Variants in PER3 observed in about 807,000 individuals in gnomAD.
PER3 encodes period circadian protein homolog 3.
In PER3, 107 loss-of-function variants were observed where a neutral mutation model predicts 127.2. That is an observed-to-expected ratio of 0.84 (90% CI 0.72 to 0.99). PER3 has a LOEUF of 0.99. Ranked by LOEUF, PER3 falls within the 50% of genes least tolerant of loss-of-function variation. The pLI, the probability that PER3 is intolerant of heterozygous loss-of-function variation, is 0.00. For missense variants in PER3, 1,560 were observed against 1,525.8 expected, an observed-to-expected ratio of 1.02 and a Z score of -0.37; for synonymous variants, 618 against 585.8, an observed-to-expected ratio of 1.05 and a Z score of -0.79.
At chr1:7,832,688 ATTAC>A (rs1308357676) in intron 19 of PER3, among the ~76,000 whole-genome samples, 1 of 145,736 alleles carries the variant, frequency 6.9e-6, no homozygotes, top group Non-Finnish European at 1.5e-5. Flanking sequence ...TCTAATTTTT[ATTAC>A]TTCTTTTCTC....
chr1:7,824,092 T>C (rs2097290450), intron 16 of PER3, among the ~76,000 whole-genome samples: 1 of 152,182 alleles, frequency 6.6e-6, no homozygotes, highest in African/African-American at 2.4e-5. Flanking sequence ...ATACTGAAAG[T>C]ATAGCATACT....
At chr1:7,824,823 C>T (rs959222562) in intron 16 of PER3, among the ~76,000 whole-genome samples, 4 of 152,186 alleles carry the variant, frequency 2.6e-5, no homozygotes, top group East Asian at 1.9e-4. Context: ...TCTAGTCTGG[C>T]GGATGGGAAC....
At chr1:7,810,101 GTATA>G in intron 12 of PER3, 80 bp downstream of exon 12, 2 of 1,354,036 alleles carry the variant, frequency 1.5e-6, no homozygotes, top group South Asian at 2.7e-5. Context: ...TGACATCTTA[GTATA>G]TATTCCTGAC....
chr1:7,806,841 T>TAC (rs201717412), intron 10 of PER3, among the ~76,000 whole-genome samples: 1,664 of 109,612 alleles, frequency 0.015, 28 homozygotes, highest in African/African-American at 0.042. Flanking sequence ...ATATATTACA[T>TAC]ACACACACAC....
At chr1:7,786,581 G>T in intron 3 of PER3, 140 bp from the exon 4 acceptor site, 1 of 549,990 alleles carries the variant, frequency 1.8e-6, no homozygotes, top group Non-Finnish European at 3.3e-6. Flanking sequence ...TTAGGTAAAA[G>T]CAGAAAATGA....
chr1:7,812,411 G>A (rs965531440), intron 13 of PER3, among the ~76,000 whole-genome samples: 2 of 151,804 alleles, frequency 1.3e-5, no homozygotes, highest in African/African-American at 4.8e-5. Flanking sequence ...CAGATCACGA[G>A]GTCAGGAGAT....
rs1327188937 is a variant in PER3, at chr1:7,826,626, T to C, written c.2104T>C (p.Phe702Leu). ...QKEEQNYVDKFREKILSSPYS... is the reference protein window; with the variant it reads ...QKEEQNYVDKLREKILSSPYS... The stretch of plus-strand genomic sequence containing the variant: ...GGAAGAGCAGAATTATGTTGATAAA[T>C]TCCGAGAAAAGATCCTGTCATCACC... Residue 702 changes from phenylalanine (F) to leucine (L), a missense_variant, in exon 17 of 22, where the codon TTC (phenylalanine) becomes CTC (leucine). Phe to Leu is a conservative substitution (Grantham distance 22, BLOSUM62 0). This residue lies in a region of PER3 where 1,332 missense variants were observed against 1,223.6 expected (regional missense o/e 1.09). Transcript: ENST00000377532. This position sits in a 1 kb window ranked among gnomAD's most constrained non-coding sequence, Gnocchi z 4.2. 6.2e-7 allele frequency: 1 copy of C among 1,613,654 alleles called. No homozygotes were observed. Among genetic ancestry groups the C allele is most frequent in the African/African-American group, 1.3e-5 (1 of 74,886 alleles).
chr1:7,816,461 T>C (rs2097251951), intron 13 of PER3, among the ~76,000 whole-genome samples: 1 of 152,114 alleles, frequency 6.6e-6, no homozygotes, highest in African/African-American at 2.4e-5. Context: ...GCAAATGATA[T>C]ATACAATAAT....
chr1:7,793,043 T>G (rs1355018047), intron 5 of PER3, among the ~76,000 whole-genome samples: 1 of 152,244 alleles, frequency 6.6e-6, no homozygotes, highest in Non-Finnish European at 1.5e-5. Context: ...TCTGTGATCG[T>G]CTCTTAGAAG....
At chr1:7,785,386 C>T (rs1049681771) in intron 2 of PER3, 55 bp from the exon 3 acceptor site, 9 of 1,429,588 alleles carry the variant, frequency 6.3e-6, no homozygotes, top group African/African-American at 4.2e-5. Context: ...TTCCCTAAGC[C>T]GCAAGATGCT....
In PER3 at chr1:7,827,563, C is replaced by T. The variant is rs374435150; in HGVS notation, c.2634C>T (p.Phe878=). Residue 878 remains phenylalanine (F), a synonymous_variant, in exon 18 of 22, where the codon TTC becomes TTT. Coordinates refer to ENST00000377532, the MANE Select transcript of PER3 (RefSeq NM_001377275.1). ...CGCCATCGTTTTTGCCATGTCCATT[C>T]CTGGGGGCGACAGCCTCTTCTGCGA... The part of the protein sequence containing the change: ...LLSPSFLPCP[F]LGATASSAIS... The T allele has an allele frequency of 3.1e-6, 5 of 1,614,070 alleles. No individual in the cohort carries two copies. The African/African-American group carries it at 5.3e-5, about 17-fold the overall frequency.
Position 7,827,403 on chromosome 1 carries a change from C to G in PER3, c.2474C>G (p.Pro825Arg), listed in dbSNP as rs2097306967. The G allele has an allele frequency of 6.2e-7, 1 of 1,614,066 alleles. No homozygotes were observed. Among genetic ancestry groups the G allele is most frequent in the South Asian group, 1.1e-5 (1 of 91,090 alleles). ...ATSPGREYAAPGTAPEGLHGL... is the reference protein window; with the variant it reads ...ATSPGREYAARGTAPEGLHGL... ...TCACCCGGAAGAGAATACGCAGCCCCCGGAACTGCACCGGAAGGCCTGCAT... is the reference window on the plus strand; with the variant it reads ...TCACCCGGAAGAGAATACGCAGCCCGCGGAACTGCACCGGAAGGCCTGCAT... The change falls in exon 18 of 22, where the codon CCC becomes CGC. Residue 825 changes from proline to arginine, a missense_variant. Pro to Arg is a moderately radical substitution (Grantham distance 103, BLOSUM62 -2). Coordinates refer to ENST00000377532, the MANE Select transcript of PER3 (RefSeq NM_001377275.1).
chr1:7,799,330 TGCAGTG>T (rs2097159667), intron 7 of PER3, among the ~76,000 whole-genome samples: 1 of 152,084 alleles, frequency 6.6e-6, no homozygotes, highest in Admixed American at 6.5e-5. Flanking sequence ...TCGTGCCGGG[TGCAGTG>T]GCTCACGCCT....
intron 16 of PER3, among the ~76,000 whole-genome samples, chr1:7,821,783 A>T (rs1202524139): frequency 1.3e-5 from 2 of 152,182 alleles, no homozygotes; most frequent in Non-Finnish European, 2.9e-5. Flanking sequence ...TCTTTATTCC[A>T]TGGAGAAAAA....
chr1:7,787,444 G>C (rs766578389), intron 4 of PER3: 2 of 458,162 alleles, frequency 4.4e-6, no homozygotes, highest in Non-Finnish European at 8.6e-6. Context: ...TTATAACAGT[G>C]CTTATTTTAT....
chr1:7,801,506 C>T (rs909277883), intron 8 of PER3, among the ~76,000 whole-genome samples: 7 of 152,180 alleles, frequency 4.6e-5, no homozygotes, highest in Non-Finnish European at 7.3e-5. Flanking sequence ...TATCTGATTG[C>T]GCTCAAACTG....
Position 7,785,045 on chromosome 1 carries a change from T to G in PER3, c.128+40T>G, listed in dbSNP as rs1002063566. 3.9e-6 allele frequency: 6 copies of G among 1,558,104 alleles called. No homozygotes were observed. The African/African-American group carries it at 5.7e-5, about 15-fold the overall frequency. ...TCAGGCCGAGGGCCCCATGCGTTCG[T>G]TGTCCTTCCCTGGAGCAGGGAAAGG... On this transcript the variant is annotated intron_variant, in intron 2 of 21. Coordinates refer to ENST00000377532, the MANE Select transcript of PER3 (RefSeq NM_001377275.1).
intron 6 of PER3, among the ~76,000 whole-genome samples, chr1:7,796,618 A>G (rs1175234279): frequency 1.3e-5 from 2 of 151,750 alleles, no homozygotes; most frequent in African/African-American, 2.4e-5. Context: ...CCTGGCCCGG[A>G]AACAGTTTCC....
intron 6 of PER3, among the ~76,000 whole-genome samples, chr1:7,795,583 G>A (rs377215832): frequency 6.6e-6 from 1 of 152,350 alleles, no homozygotes; most frequent in East Asian, 1.9e-4. Flanking sequence ...AGGCGCAGAG[G>A]CCCTGGGGTG....
Sources: allele counts gnomAD v4.1 joint callset (sites outside exome capture counted in the v4.1 genomes callset), GRCh38; gene constraint gnomAD v4.1.1; regional missense constraint gnomAD v4.1.1; non-coding constraint Gnocchi (gnomAD v3.1); transcripts MANE v1.5; gene names NCBI Gene and HGNC (gene_info 2026-07-23, HGNC 2026-07-21).